MYH15: variants seen among roughly 807,000 people sequenced by gnomAD.
The protein encoded by MYH15 is myosin-15.
Under a neutral mutation model 240.5 loss-of-function variants are expected in MYH15, and 227 were observed. The ratio of observed to expected loss-of-function variants is 0.94; its 90% confidence interval spans 0.85 to 1.05. MYH15 has a LOEUF of 1.05. Ranked by LOEUF, MYH15 falls within the 50% of genes least tolerant of loss-of-function variation. MYH15 has a pLI of 0.00. For missense variants in MYH15, 2,217 were observed against 2,247.5 expected (o/e 0.99, Z 0.27); for synonymous variants, 785 against 796.7 (o/e 0.99, Z 0.25).
At chr3:108,494,240 T>C (rs2083375043) in intron 7 of MYH15, among the ~76,000 whole-genome samples, 1 of 152,168 alleles carries the variant, frequency 6.6e-6, no homozygotes, top group Non-Finnish European at 1.5e-5. Flanking sequence ...CACACAAACA[T>C]ACATGTATAT....
Position 108,456,896 on chromosome 3 carries a change from A to G in MYH15, c.2021-13T>C. The G allele has an allele frequency of 6.3e-7, 1 of 1,581,522 alleles. No homozygotes were observed. Among genetic ancestry groups the G allele is most frequent in the Non-Finnish European group, 8.7e-7 (1 of 1,154,968 alleles). On this transcript the variant is annotated splice_polypyrimidine_tract_variant and intron_variant, in intron 18 of 40. Coordinates refer to ENST00000693548, the MANE Select transcript of MYH15 (RefSeq NM_014981.3). ...GGGTCCAGTATACCTGGAAAAAAAA[A>G]AGAGTCATGGTGGATCTGTGCCTGA... is the stretch of plus-strand genomic sequence containing the variant.
chr3:108,433,645 T>G (rs996684353), intron 25 of MYH15, among the ~76,000 whole-genome samples: 1 of 152,206 alleles, frequency 6.6e-6, no homozygotes, highest in Non-Finnish European at 1.5e-5. Flanking sequence ...TGAGTAAGTC[T>G]CTTGAGATCT....
rs758163588 is a variant in MYH15, at chr3:108,470,224, T to C, written c.1384-12A>G. 3 of 1,559,700 alleles carry C rather than the reference T, an allele frequency of 1.9e-6. No homozygotes were observed. The highest frequency in any genetic ancestry group is 2.0e-5 in the Admixed American group (1 of 49,904). Reference sequence around the variant, plus strand: ...TCAAGGCTATTATACTTCAAGGATATGAATAGGTAAGAAGAAGAGATAAAA... The same window carrying C: ...TCAAGGCTATTATACTTCAAGGATACGAATAGGTAAGAAGAAGAGATAAAA... On this transcript the variant is annotated splice_polypyrimidine_tract_variant and intron_variant, in intron 13 of 40. Transcript: ENST00000693548.
the MYH15 span, among the ~76,000 whole-genome samples, chr3:108,541,797 A>G: frequency 2.6e-5 from 4 of 152,176 alleles, no homozygotes; most frequent in African/African-American, 4.8e-5. Flanking sequence ...ATGAAATATT[A>G]TGAAACTGTC....
rs1424832889 is a variant in MYH15, at chr3:108,431,876, G to A, written c.3222-954C>T. ...AGTCTCAGATGGAGATGAGGAACTT[G>A]GGAACCAGAGCAAAGGTGACTCTTG... is the stretch of plus-strand genomic sequence containing the variant. On this transcript the variant is annotated intron_variant, in intron 25 of 40. Coordinates refer to ENST00000693548, the MANE Select transcript of MYH15 (RefSeq NM_014981.3). 2.6e-5 allele frequency among the ~76,000 whole-genome samples: 4 copies of A among 152,176 alleles called. No individual in the cohort carries two copies. The East Asian group carries it at 7.7e-4, about 29-fold the overall frequency.
chr3:108,512,443 C>T (rs141099029), upstream of MYH15, among the ~76,000 whole-genome samples: 1,582 of 152,196 alleles, frequency 0.01, 6 homozygotes, highest in Non-Finnish European at 0.018. Flanking sequence ...TTGTCTGGGT[C>T]CTCCTCCTCT....
chr3:108,505,971 A>C (rs2107245569), intron 1 of MYH15, 142 bp from the exon 2 acceptor site: 1 of 534,886 alleles, frequency 1.9e-6, no homozygotes, highest in Non-Finnish European at 3.3e-6. Flanking sequence ...GTCAGATAAA[A>C]TCATGAAAGC....
intron 9 of MYH15, among the ~76,000 whole-genome samples, chr3:108,490,541 G>T (rs2083338349): frequency 6.6e-6 from 1 of 152,186 alleles, no homozygotes; most frequent in African/African-American, 2.4e-5. Flanking sequence ...TGCACTGCAT[G>T]GTCTGGCCCC....
chr3:108,486,371 T>C lies in MYH15; in HGVS notation c.975+52A>G, dbSNP rs1320003941. The stretch of plus-strand genomic sequence containing the variant: ...GAACAGAACTCTAAGATTCTGTCTT[T>C]CATTTCTCATTGCCATTACCAGATT... On this transcript the variant is annotated intron_variant, in intron 10 of 40. Transcript: ENST00000693548. 4 of 1,440,558 alleles carry C rather than the reference T, an allele frequency of 2.8e-6. No individual in the cohort carries two copies. In the African/African-American group the frequency reaches 5.6e-5, roughly 20 times the overall value. The allele number at this position is 1,440,558 out of a possible 1,614,324, so 89.2% of individuals were successfully genotyped here.
chr3:108,513,066 A>G (rs1279083696), upstream of MYH15, among the ~76,000 whole-genome samples: 3 of 152,194 alleles, frequency 2.0e-5, no homozygotes, highest in Non-Finnish European at 4.4e-5. Context: ...TTTATAGAAT[A>G]ACACACTTGT....
At chr3:108,427,338 G>A (rs747420642) in intron 27 of MYH15, among the ~76,000 whole-genome samples, 1 of 152,162 alleles carries the variant, frequency 6.6e-6, no homozygotes, top group Non-Finnish European at 1.5e-5. Context: ...TTTAGGAGGT[G>A]ATGAAGTCAT....
intron 1 of MYH15, among the ~76,000 whole-genome samples, chr3:108,507,687 A>C (rs2083489194): frequency 1.3e-5 from 2 of 152,088 alleles, no homozygotes; most frequent in Admixed American, 1.3e-4. Flanking sequence ...CTGATTACAA[A>C]CAATTCACCA....
At chr3:108,531,862 T>A (rs973195698), upstream of MYH15, among the ~76,000 whole-genome samples, 1 of 151,992 alleles carries the variant, frequency 6.6e-6, no homozygotes, top group Non-Finnish European at 1.5e-5. Flanking sequence ...TAGCAACAGG[T>A]CTTGCCATTT....
chr3:108,523,343 T>C (rs577495048), intron 1 of MYH15, among the ~76,000 whole-genome samples: 1 of 152,106 alleles, frequency 6.6e-6, no homozygotes, highest in East Asian at 1.9e-4. Flanking sequence ...TGATGGTCAG[T>C]ATTTCTGGGT....
intron 6 of MYH15, among the ~76,000 whole-genome samples, chr3:108,497,773 C>T (rs1197488213): frequency 1.3e-5 from 2 of 152,116 alleles, no homozygotes; most frequent in Non-Finnish European, 2.9e-5. Context: ...ATCTTGAGGA[C>T]TTAACTTACA....
In MYH15 at chr3:108,454,121, G is replaced by A. The variant is rs758331328; in HGVS notation, c.2284C>T (p.Leu762=). 6.2e-7 allele frequency: 1 copy of A among 1,609,824 alleles called. No homozygotes were observed. Among genetic ancestry groups the A allele is most frequent in the Admixed American group, 1.7e-5 (1 of 59,874 alleles). Reference sequence around the variant, plus strand: ...TCTCTTATTGCTTCCAGTTGGCCCAGAAACCCAGCTTTAAAAAACACCTAA... The same window carrying A: ...TCTCTTATTGCTTCCAGTTGGCCCAAAAACCCAGCTTTAAAAAACACCTAA... The part of the protein sequence containing the change: ...ITKVFFKAGF[L]GQLEAIRDER... Residue 762 remains leucine, a synonymous_variant, in exon 21 of 41, where the codon CTG becomes TTG. Transcript: ENST00000693548.
At chr3:108,468,753 CAT>C in intron 14 of MYH15, among the ~76,000 whole-genome samples, 1 of 152,268 alleles carries the variant, frequency 6.6e-6, no homozygotes, top group South Asian at 2.1e-4. Context: ...AAATCAGTAA[CAT>C]TCACAGAACT....
chr3:108,439,964 C>T lies in MYH15; in HGVS notation c.2899-51G>A. On this transcript the variant is annotated intron_variant, in intron 23 of 40. Coordinates refer to ENST00000693548, the MANE Select transcript of MYH15 (RefSeq NM_014981.3). ...TTAAAGCCACTGCTGGAAAGTTGGG[C>T]ATAACACTGAGGGTCATTTCTCTTC... 2.1e-6 allele frequency: 3 copies of T among 1,453,344 alleles called. No individual in the cohort carries two copies. The South Asian group carries it at 4.5e-5, about 22-fold the overall frequency. 90.0% of individuals were successfully genotyped at this position (1,453,344 alleles called of 1,614,324 possible).
intron 1 of MYH15, among the ~76,000 whole-genome samples, chr3:108,510,133 T>C (rs2083510468): frequency 6.6e-6 from 1 of 152,178 alleles, no homozygotes; most frequent in Admixed American, 6.5e-5. Context: ...TAGGAAAGGC[T>C]TTGTCTGGCC....
Sources: allele counts gnomAD v4.1 joint callset (sites outside exome capture counted in the v4.1 genomes callset), GRCh38; gene constraint gnomAD v4.1.1; transcripts MANE v1.5; gene names NCBI Gene and HGNC (gene_info 2026-07-23, HGNC 2026-07-21).